TMCC1: variants seen among roughly 807,000 people sequenced by gnomAD.
The protein encoded by TMCC1 is transmembrane and coiled-coil domains protein 1.
A neutral mutation model predicts 52.4 loss-of-function variants in TMCC1; 15 were observed. That is an observed-to-expected ratio of 0.29 (90% CI 0.19 to 0.44). The LOEUF (loss-of-function observed/expected upper bound fraction) is 0.44. TMCC1 is among the 20% of genes least tolerant of loss of function. TMCC1 has a pLI of 1.00. For missense variants in TMCC1, 503 were observed against 806.0 expected, an observed-to-expected ratio of 0.62 and a Z score of 4.55; for synonymous variants, 279 against 301.9, an observed-to-expected ratio of 0.92 and a Z score of 0.79.
At chr3:129,783,960 T>A (rs929636000) in intron 4 of TMCC1, among the ~76,000 whole-genome samples, 3 of 152,220 alleles carry the variant, frequency 2.0e-5, no homozygotes, top group African/African-American at 7.2e-5. Context: ...TATTTGCATA[T>A]CTTTCTGAAG....
intron 4 of TMCC1, among the ~76,000 whole-genome samples, chr3:129,792,797 A>G (rs1364030044): frequency 2.6e-5 from 4 of 152,306 alleles, no homozygotes; most frequent in Non-Finnish European, 2.9e-5. Flanking sequence ...AAAAGGAATG[A>G]AAAAAGGCTA....
chr3:129,859,651 TACAC>T (rs59213877), intron 2 of TMCC1, among the ~76,000 whole-genome samples: 4,428 of 148,740 alleles, frequency 0.03, 216 homozygotes, highest in African/African-American at 0.1. Flanking sequence ...CACACACACA[TACAC>T]ACACACACAC....
intron 4 of TMCC1, among the ~76,000 whole-genome samples, chr3:129,771,841 C>T (rs1027083781): frequency 2.2e-5 from 3 of 136,100 alleles, no homozygotes; most frequent in Admixed American, 7.5e-5. Context: ...ACTGGCAAAA[C>T]GAATTTGGAA....
intron 2 of TMCC1, chr3:129,867,064 C>T (rs1432811318): frequency 6.6e-6 from 1 of 151,944 alleles, no homozygotes; most frequent in Non-Finnish European, 1.5e-5. Flanking sequence ...CTGTCCTCAC[C>T]TACACGAGTC....
chr3:129,871,756 TGAAAAAA>T (rs577319916), intron 2 of TMCC1, among the ~76,000 whole-genome samples: 1 of 151,830 alleles, frequency 6.6e-6, no homozygotes, highest in Non-Finnish European at 1.5e-5. Flanking sequence ...AATTAAAATT[TGAAAAAA>T]GAAAAAATGT....
chr3:129,798,712 A>G (rs1019634987), intron 4 of TMCC1, among the ~76,000 whole-genome samples: 10 of 152,236 alleles, frequency 6.6e-5, no homozygotes. Context: ...TAAATTGCAC[A>G]GACTTGTTAA....
chr3:129,829,716 GC>G (rs1323732712), intron 3 of TMCC1, among the ~76,000 whole-genome samples: 1 of 152,150 alleles, frequency 6.6e-6, no homozygotes, highest in East Asian at 1.9e-4. Flanking sequence ...GCACCATGGT[GC>G]TCCTGTTCTG....
chr3:129,697,366 C>G (rs2047490137), intron 4 of TMCC1, among the ~76,000 whole-genome samples: 1 of 152,154 alleles, frequency 6.6e-6, no homozygotes, highest in African/African-American at 2.4e-5. Context: ...AAGGGTGGAG[C>G]AGCTGGGATG....
chr3:129,816,071 CAA>C (rs58950442), intron 4 of TMCC1, among the ~76,000 whole-genome samples: 2 of 151,938 alleles, frequency 1.3e-5, no homozygotes, highest in African/African-American at 4.8e-5. Context: ...TGGCTTTTAT[CAA>C]AAAGACAGGG....
At chr3:129,675,048 C>A (rs2088290607) in intron 4 of TMCC1, among the ~76,000 whole-genome samples, 2 of 152,144 alleles carry the variant, frequency 1.3e-5, no homozygotes, top group Non-Finnish European at 2.9e-5. Context: ...CCATGTTGCC[C>A]AGGCTGGTCT....
At chr3:129,823,854 T>C (rs1345324994) in intron 4 of TMCC1, among the ~76,000 whole-genome samples, 2 of 152,118 alleles carry the variant, frequency 1.3e-5, no homozygotes, top group Non-Finnish European at 1.5e-5. Context: ...CTCTGATGAA[T>C]AAAAGAGAAA....
intron 4 of TMCC1, among the ~76,000 whole-genome samples, chr3:129,671,518 G>C (rs1277676813): frequency 6.6e-6 from 1 of 152,156 alleles, no homozygotes; most frequent in African/African-American, 2.4e-5. Context: ...TTTGCTAGAG[G>C]ATTTTTCAGT....
chr3:129,769,392 G>A (rs2054369212), intron 4 of TMCC1, among the ~76,000 whole-genome samples: 1 of 152,076 alleles, frequency 6.6e-6, no homozygotes, highest in African/African-American at 2.4e-5. Context: ...ACCACACCTG[G>A]CTAATTTTTG....
chr3:129,892,842 T>C (rs1034605302), intron 1 of TMCC1: 1 of 152,108 alleles, frequency 6.6e-6, no homozygotes, highest in African/African-American at 2.4e-5. Context: ...TCTGGCCCTT[T>C]AGGGAAGGTG....
intron 2 of TMCC1, among the ~76,000 whole-genome samples, chr3:129,867,270 G>C (rs1020958919): frequency 7.9e-5 from 12 of 152,126 alleles, no homozygotes; most frequent in African/African-American, 2.7e-4. Context: ...ACAAATGTAC[G>C]ATTCAAGTAT....
chr3:129,745,019 A>G (rs2051800734), intron 4 of TMCC1, among the ~76,000 whole-genome samples: 1 of 152,250 alleles, frequency 6.6e-6, no homozygotes, highest in East Asian at 1.9e-4. Context: ...ACAATAATAG[A>G]GCAATTTCAA....
At chr3:129,823,765 C>G (rs2058534087) in intron 4 of TMCC1, among the ~76,000 whole-genome samples, 1 of 152,164 alleles carries the variant, frequency 6.6e-6, no homozygotes, top group African/African-American at 2.4e-5. Flanking sequence ...CTGGATAAAC[C>G]AAAGAGTAGT....
intron 4 of TMCC1, among the ~76,000 whole-genome samples, chr3:129,819,249 A>AT (rs1484978291): frequency 1.3e-5 from 2 of 152,016 alleles, no homozygotes; most frequent in South Asian, 2.1e-4. Context: ...TGCCAGGCTA[A>AT]TTTTTTTATT....
rs551470123 is a variant in TMCC1 at position 129,663,521 on chromosome 3, A to AT, written c.1511+6808dup. On this transcript the variant is annotated intron_variant, in intron 5 of 6. Transcript: ENST00000393238. Reference sequence around the variant, plus strand: ...TTCCTAGCTGAATTGGGGAGAGTGGATTTTTTTCTCCTTACCTTTTGTTAC... The same window carrying AT: ...TTCCTAGCTGAATTGGGGAGAGTGGATTTTTTTTCTCCTTACCTTTTGTTAC... Among the ~76,000 whole-genome samples, 104 of 152,116 alleles carry AT rather than the reference A, an allele frequency of 6.8e-4. No individual in the cohort carries two copies. In the East Asian group the frequency reaches 0.012, roughly 18 times the overall value.
Sources: allele counts gnomAD v4.1 joint callset (sites outside exome capture counted in the v4.1 genomes callset), GRCh38; gene constraint gnomAD v4.1.1; transcripts MANE v1.5; gene names NCBI Gene and HGNC (gene_info 2026-07-23, HGNC 2026-07-21).